The following ARL6IP6 variants were observed in gnomAD, a reference collection of about 807,000 sequenced individuals.
ARL6IP6 encodes the protein ADP-ribosylation factor-like protein 6-interacting protein 6.
Under a neutral mutation model 21.5 loss-of-function variants are expected in ARL6IP6, and 22 were observed. That is an observed-to-expected ratio of 1.02 (90% CI 0.73 to 1.46). ARL6IP6 has a LOEUF of 1.46. Among genes scored for constraint, ARL6IP6 ranks in the 40% most tolerant of loss-of-function variants. The probability of loss-of-function intolerance (pLI) is 0.00; values close to 1 mark genes in which losing one functional copy is unlikely to be tolerated. For missense variants in ARL6IP6, 388 were observed against 299.8 expected (o/e 1.29, Z -2.17); for synonymous variants, 164 against 125.3 (o/e 1.31, Z -2.06).
chr2:152,759,683 T>C (rs1331781147), intron 3 of ARL6IP6, 64 bp from the exon 4 acceptor site: 31 of 1,302,034 alleles, frequency 2.4e-5, no homozygotes, highest in Admixed American at 1.0e-4. Context: ...ATGAAAACTT[T>C]TGGTGTCTTT....
chr2:152,743,707 A>G (rs1438945107), intron 3 of ARL6IP6, among the ~76,000 whole-genome samples: 1 of 152,182 alleles, frequency 6.6e-6, no homozygotes, highest in African/African-American at 2.4e-5. Context: ...CAATGCTTGT[A>G]TTTAAAGTTG....
chr2:152,742,850 T>C (rs1166271295), intron 3 of ARL6IP6, among the ~76,000 whole-genome samples: 2 of 152,190 alleles, frequency 1.3e-5, no homozygotes, highest in African/African-American at 4.8e-5. Context: ...CATTTTTTAA[T>C]AGATGAAGAA....
At chr2:152,720,390 C>G (rs1320978352) in intron 1 of ARL6IP6, 143 bp from the exon 2 acceptor site, 1 of 748,148 alleles carries the variant, frequency 1.3e-6, no homozygotes, top group Non-Finnish European at 2.3e-6. Flanking sequence ...GGTCACATAG[C>G]TGGTAAATTG....
chr2:152,759,700 C>A, intron 3 of ARL6IP6, 47 bp from the exon 4 acceptor site: 1 of 1,488,166 alleles, frequency 6.7e-7, no homozygotes, highest in Non-Finnish European at 9.3e-7. Context: ...CTTTGTTATA[C>A]CACGTTACAT....
At chr2:152,759,167 C>G (rs1043129249) in intron 3 of ARL6IP6, among the ~76,000 whole-genome samples, 2 of 152,106 alleles carry the variant, frequency 1.3e-5, no homozygotes, top group Admixed American at 6.6e-5. Flanking sequence ...AGTTGGCACT[C>G]CTAGCAATCA....
At chr2:152,745,119 A>G (rs759892331) in intron 3 of ARL6IP6, among the ~76,000 whole-genome samples, 4 of 152,210 alleles carry the variant, frequency 2.6e-5, no homozygotes, top group Non-Finnish European at 5.9e-5. Context: ...TGGAACATTC[A>G]GGATTCAGTA....
In ARL6IP6 at chr2:152,720,539, AT is replaced by A. The variant is rs778282123; in HGVS notation, c.408del (p.His136GlnfsTer5). ...AIAYLIVKEL[H>X]AENLKNEDDV... ...TCCCTCTTTGTATTTGCAGAGTTGC[AT>A]GCTGAGAATTTGAAAAATGAAGATG... On this transcript the variant is annotated frameshift_variant, in exon 2 of 4. Coordinates refer to ENST00000326446, the MANE Select transcript of ARL6IP6 (RefSeq NM_152522.7). LOFTEE classifies it high-confidence loss of function. 1 of 1,613,828 alleles carries A rather than the reference AT, an allele frequency of 6.2e-7. No homozygotes were observed.
intron 3 of ARL6IP6, among the ~76,000 whole-genome samples, chr2:152,748,206 C>T (rs1405825734): frequency 2.0e-5 from 3 of 152,156 alleles, no homozygotes; most frequent in Non-Finnish European, 4.4e-5. Flanking sequence ...AAATTCTAAC[C>T]CTGATTTCTT....
chr2:152,723,593 A>G (rs1292492100), intron 2 of ARL6IP6, among the ~76,000 whole-genome samples: 1 of 152,200 alleles, frequency 6.6e-6, no homozygotes, highest in African/African-American at 2.4e-5. Context: ...CTTTTTCTAG[A>G]CAGACTGACA....
chr2:152,728,378 G>A (rs1052522050), intron 2 of ARL6IP6, among the ~76,000 whole-genome samples: 3 of 152,134 alleles, frequency 2.0e-5, no homozygotes, highest in Non-Finnish European at 4.4e-5. Flanking sequence ...GGAACCATGA[G>A]AGTTTTGTTT....
At chr2:152,729,605 T>G (rs998602684) in intron 2 of ARL6IP6, among the ~76,000 whole-genome samples, 85 of 152,148 alleles carry the variant, frequency 5.6e-4, no homozygotes, top group African/African-American at 2.0e-3. Flanking sequence ...ACTGTGGCTG[T>G]GGGTGCTGAT....
upstream of ARL6IP6, chr2:152,717,986 T>TA (rs1201961391): frequency 2.0e-6 from 2 of 997,792 alleles, no homozygotes; most frequent in Non-Finnish European, 2.4e-6. Flanking sequence ...TCGATCTCCG[T>TA]ACGCACCAGG....
rs1699721202 is a variant in ARL6IP6, at chr2:152,720,298, G to A, written c.401-235G>A. On this transcript the variant is annotated intron_variant, in intron 1 of 3. Transcript: ENST00000326446. ...CCTTTAGTGTTTACCACTACCTTAG[G>A]GAATAAACAGTACTCTCATCCTATG... is the stretch of plus-strand genomic sequence containing the variant. 5.5e-6 allele frequency: 3 copies of A among 543,560 alleles called. No homozygotes were observed. In the South Asian group the frequency reaches 6.5e-5, roughly 12 times the overall value. The allele number at this position is 543,560 out of a possible 1,614,324, so 33.7% of individuals were successfully genotyped here. A position where few individuals can be genotyped will look rare whatever the true frequency, so the allele number is the denominator to read the frequency against.
rs544370427 is a variant in ARL6IP6 at position 152,760,899 on chromosome 2, A to G, written c.*1059A>G. ...ATAATTTTATAATTTTTGTAATTAA[A>G]TGTGCTCCTGTAATTGTGATATTTT... is the stretch of plus-strand genomic sequence containing the variant. On this transcript the variant is annotated 3_prime_UTR_variant, in exon 4 of 4. Coordinates refer to ENST00000326446, the MANE Select transcript of ARL6IP6 (RefSeq NM_152522.7). 6.6e-6 allele frequency: 1 copy of G among 152,108 alleles called. No homozygotes were observed. Among genetic ancestry groups the G allele is most frequent in the South Asian group, 2.1e-4 (1 of 4,826 alleles). The allele number at this position is 152,108 out of a possible 1,614,324, so 9.4% of individuals were successfully genotyped here.
intron 2 of ARL6IP6, among the ~76,000 whole-genome samples, chr2:152,734,493 A>G (rs1344087050): frequency 6.6e-6 from 1 of 152,080 alleles, no homozygotes; most frequent in African/African-American, 2.4e-5. Flanking sequence ...AATCTGATGA[A>G]CTTTTTTTCT....
At position 152,759,889 on chromosome 2, in the gene ARL6IP6, G is replaced by C. The variant is rs1295383966; in HGVS notation, c.*49G>C. The C allele has an allele frequency of 6.8e-7, 1 of 1,478,020 alleles. No homozygotes were observed. The highest frequency in any genetic ancestry group is 1.1e-5 in the South Asian group (1 of 87,796). 91.6% of individuals were successfully genotyped at this position (1,478,020 alleles called of 1,614,324 possible). On this transcript the variant is annotated 3_prime_UTR_variant, in exon 4 of 4. Coordinates refer to ENST00000326446, the MANE Select transcript of ARL6IP6 (RefSeq NM_152522.7). ...GGCAAAACTTAATCATGATTGTTTT[G>C]TAATAACAAGAAGGAGCATCACTGT...
At chr2:152,739,207 G>A (rs1032935296) in intron 3 of ARL6IP6, among the ~76,000 whole-genome samples, 38 of 151,932 alleles carry the variant, frequency 2.5e-4, no homozygotes, top group Non-Finnish European at 5.3e-4. Flanking sequence ...GGATGGTCTC[G>A]ATCTCCTGAC....
At chr2:152,732,151 A>G (rs1700346269) in intron 2 of ARL6IP6, among the ~76,000 whole-genome samples, 1 of 151,882 alleles carries the variant, frequency 6.6e-6, no homozygotes, top group Non-Finnish European at 1.5e-5. Flanking sequence ...AAAGGTATAT[A>G]TATATAAAAT....
intron 3 of ARL6IP6, among the ~76,000 whole-genome samples, chr2:152,755,439 G>A (rs1291569184): frequency 6.6e-6 from 1 of 152,116 alleles, no homozygotes; most frequent in Non-Finnish European, 1.5e-5. Context: ...CATTGGCCAC[G>A]CTCCTGGTCC....
Sources: allele counts gnomAD v4.1 joint callset (sites outside exome capture counted in the v4.1 genomes callset), GRCh38; gene constraint gnomAD v4.1.1; transcripts MANE v1.5; gene names NCBI Gene and HGNC (gene_info 2026-07-23, HGNC 2026-07-21).